ASH2L: variants seen among roughly 807,000 people sequenced by gnomAD.
The protein encoded by ASH2L is ASH2 like, histone lysine methyltransferase complex subunit, also known as set1/Ash2 histone methyltransferase complex subunit ASH2.
ASH2L carries 30 observed loss-of-function variants against 81.1 expected under a neutral mutation model. That is an observed-to-expected ratio of 0.37 (90% CI 0.28 to 0.50). The LOEUF (loss-of-function observed/expected upper bound fraction) is 0.50. Among genes scored for constraint, ASH2L ranks in the 20% least tolerant of loss-of-function variants. The pLI is 0.95. For synonymous variants in ASH2L, 273 were observed against 279.9 expected (o/e 0.98, Z 0.24); for missense variants, 559 against 792.1 (o/e 0.71, Z 3.53).
At chr8:38,110,579 G>A in intron 4 of ASH2L, 112 bp downstream of exon 4, 2 of 1,201,674 alleles carry the variant, frequency 1.7e-6, no homozygotes, top group Non-Finnish European at 1.2e-6. Flanking sequence ...AAATTCAGTT[G>A]GGGTTTAGCT....
chr8:38,137,331 G>A (rs1365899353), intron 14 of ASH2L, among the ~76,000 whole-genome samples: 1 of 150,704 alleles, frequency 6.6e-6, no homozygotes, highest in Non-Finnish European at 1.5e-5. Flanking sequence ...CCGATCATGA[G>A]GTCAGGAGAT....
At chr8:38,106,165 A>G (rs2130459847) in intron 1 of ASH2L, 2 of 1,532,392 alleles carry the variant, frequency 1.3e-6, no homozygotes, top group East Asian at 2.5e-5. Flanking sequence ...AAGGCCGGTT[A>G]GGCTTCCCTG....
chr8:38,133,590 C>T (rs372087489), intron 13 of ASH2L, 44 bp downstream of exon 13: 32 of 1,390,678 alleles, frequency 2.3e-5, no homozygotes, highest in South Asian at 3.8e-5. Context: ...AGGCCTTGAG[C>T]GTTAGGACCC....
Position 38,128,283 on chromosome 8 carries a change from C to CA in ASH2L, c.1166-7dup, listed in dbSNP as rs1801932847. 6.2e-7 allele frequency: 1 copy of CA among 1,613,874 alleles called. No homozygotes were observed. On this transcript the variant is annotated splice_region_variant and splice_polypyrimidine_tract_variant and intron_variant, in intron 10 of 15. Coordinates refer to ENST00000343823, the MANE Select transcript of ASH2L (RefSeq NM_004674.5). The stretch of plus-strand genomic sequence containing the variant: ...TTGCAGGCCTTCTTTTAATCTCTGT[C>CA]ACCGCAGCTCCCCAGTTAAAGATCT...
At chr8:38,107,334 T>C (rs1810480032) in intron 3 of ASH2L, among the ~76,000 whole-genome samples, 168 bp downstream of exon 3, 1 of 152,212 alleles carries the variant, frequency 6.6e-6, no homozygotes, top group Non-Finnish European at 1.5e-5. Context: ...CCTTAGCATG[T>C]TATCTGCTTA....
In ASH2L at chr8:38,111,535, A is replaced by ACAC. The variant is rs551215559; in HGVS notation, c.585+709_585+711dup. On this transcript the variant is annotated intron_variant, in intron 5 of 15. Transcript: ENST00000343823. ...CTCAAGTAGCTGGGACTACAGGTGCACACCACCACACCCAGCTAGTTTTTA... is the reference window on the plus strand; with the variant it reads ...CTCAAGTAGCTGGGACTACAGGTGCACACCACCACCACACCCAGCTAGTTTTTA... 8.5e-3 allele frequency among the ~76,000 whole-genome samples: 1,284 copies of ACAC among 151,800 alleles called. 11 individuals are homozygous for ACAC. The highest frequency in any genetic ancestry group is 0.017 in the Middle Eastern group (5 of 292).
chr8:38,106,922 G>C, intron 2 of ASH2L, 99 bp from the exon 3 acceptor site: 6 of 1,453,538 alleles, frequency 4.1e-6, no homozygotes, highest in Non-Finnish European at 4.7e-6. Flanking sequence ...CTTGAGACCA[G>C]CCTGGGCAAC....
At chr8:38,119,223 G>A (rs1811032092) in intron 8 of ASH2L, 47 bp from the exon 9 acceptor site, 1 of 1,503,904 alleles carries the variant, frequency 6.6e-7, no homozygotes, top group Non-Finnish European at 9.0e-7. Context: ...TATCCACATG[G>A]TGTTTCCCTT....
chr8:38,116,691 G>T lies in ASH2L; in HGVS notation c.819G>T (p.Gln273His). ...GTCCTGCTTATGACAACCAAAAACA[G>T]AGCAGTGCTGTGTCTACTAGTGGGA... Reference protein sequence around the residue: ...NIGPAYDNQKQSSAVSTSGNL... With the variant: ...NIGPAYDNQKHSSAVSTSGNL... The change falls in exon 8 of 16, where the codon CAG (glutamine) becomes CAT (histidine). Residue 273 changes from glutamine to histidine, a missense_variant. By Grantham distance (24) the Gln-to-His change is conservative. Coordinates refer to ENST00000343823, the MANE Select transcript of ASH2L (RefSeq NM_004674.5). 2 of 1,613,106 alleles carry T rather than the reference G, an allele frequency of 1.2e-6. No individual in the cohort carries two copies. Among genetic ancestry groups the T allele is most frequent in the Non-Finnish European group, 8.5e-7 (1 of 1,179,794 alleles).
At chr8:38,121,886 A>C (rs958292085) in intron 10 of ASH2L, among the ~76,000 whole-genome samples, 4 of 152,212 alleles carry the variant, frequency 2.6e-5, no homozygotes, top group Admixed American at 6.5e-5. Context: ...ACTGTAAAAA[A>C]CTACCGTCTT....
At position 38,105,567 on chromosome 8, in the gene ASH2L, C is replaced by A; in HGVS notation, c.17C>A (p.Ala6Glu). 1 of 1,576,744 alleles carries A rather than the reference C, an allele frequency of 6.3e-7. No homozygotes were observed. The highest frequency in any genetic ancestry group is 8.6e-7 in the Non-Finnish European group (1 of 1,160,136). Residue 6 changes from alanine to glutamate, a missense_variant, in exon 1 of 16, where the codon GCA becomes GAA. Physicochemically the swap from Ala to Glu is moderately radical, Grantham distance 107. Around this residue, in one of 4 missense-constraint regions of ASH2L, gnomAD observed 145 missense variants for 115.5 expected, o/e 1.26. Transcript: ENST00000343823. ...GTGGCCGTGATGGCGGCGGCAGGAG[C>A]AGGACCTGGCCAGGAAGCGGGTGCC... MAAAG[A>E]GPGQEAGAGP...
At chr8:38,113,436 G>C (rs773570227) in intron 5 of ASH2L, among the ~76,000 whole-genome samples, 7 of 151,994 alleles carry the variant, frequency 4.6e-5, no homozygotes, top group African/African-American at 7.3e-5. Flanking sequence ...ACTTTCCCTG[G>C]TTCCTTTCAG....
At position 38,107,010 on chromosome 8, in the gene ASH2L, C is replaced by G; in HGVS notation, c.256-11C>G. 1.2e-6 allele frequency: 2 copies of G among 1,613,798 alleles called. No homozygotes were observed. The highest frequency in any genetic ancestry group is 1.7e-6 in the Non-Finnish European group (2 of 1,179,864). On this transcript the variant is annotated splice_polypyrimidine_tract_variant and intron_variant, in intron 2 of 15. Transcript: ENST00000343823. ...GTCAACTGATTTGAGTCTCGAACTG[C>G]TCTGACACAGGAAGGTGCTGGGGAT...
intron 6 of ASH2L, 97 bp from the exon 7 acceptor site, chr8:38,114,808 C>T (rs562384689): frequency 1.3e-6 from 1 of 753,906 alleles, no homozygotes; most frequent in Non-Finnish European, 2.2e-6. Flanking sequence ...TTGGACACTG[C>T]ACCTAGGAAT....
intron 3 of ASH2L, among the ~76,000 whole-genome samples, chr8:38,109,194 A>G (rs1376650376): frequency 6.6e-6 from 1 of 152,200 alleles, no homozygotes; most frequent in Admixed American, 6.5e-5. Context: ...ACCTGTTTGT[A>G]TTTAAATTAA....
chr8:38,123,098 T>TTG (rs1369864305), intron 10 of ASH2L, among the ~76,000 whole-genome samples: 1 of 148,430 alleles, frequency 6.7e-6, no homozygotes, highest in Non-Finnish European at 1.5e-5. Flanking sequence ...TTTTTTTTTT[T>TTG]TTTTGAGTTG....
At chr8:38,107,868 ATGTGTGTGTGTGTGTGTGTGTG>A (rs10542885) in intron 3 of ASH2L, among the ~76,000 whole-genome samples, 3 of 141,394 alleles carry the variant, frequency 2.1e-5, no homozygotes, top group Admixed American at 1.4e-4. Context: ...AAATACATAT[ATGTGTGTGTGTGTGTGTGTGTG>A]TGTGTGTGTG....
At chr8:38,119,388 C>T (rs1327320382) in intron 9 of ASH2L, 25 bp downstream of exon 9, 13 of 1,482,634 alleles carry the variant, frequency 8.8e-6, no homozygotes, top group Non-Finnish European at 1.2e-5. Context: ...CACCCTGCCC[C>T]CCTCACTATT....
At chr8:38,136,369 T>A (rs1377275018) in intron 14 of ASH2L, among the ~76,000 whole-genome samples, 1 of 73,910 alleles carries the variant, frequency 1.4e-5, no homozygotes, top group Non-Finnish European at 2.5e-5. Flanking sequence ...GTACCACATC[T>A]GGCAAGTTTT....
Sources: allele counts gnomAD v4.1 joint callset (sites outside exome capture counted in the v4.1 genomes callset), GRCh38; gene constraint gnomAD v4.1.1; regional missense constraint gnomAD v4.1.1; transcripts MANE v1.5; gene names NCBI Gene and HGNC (gene_info 2026-07-23, HGNC 2026-07-21).